The following SLC24A2 variants were observed in gnomAD, a reference collection of about 807,000 sequenced individuals.
SLC24A2 encodes the protein sodium/potassium/calcium exchanger 2.
SLC24A2 carries 36 observed loss-of-function variants against 62.0 expected under a neutral mutation model. That is an observed-to-expected ratio of 0.58 (90% CI 0.44 to 0.77). SLC24A2 has a LOEUF of 0.77. SLC24A2 is among the 30% of genes least tolerant of loss of function. The pLI is 0.00. For synonymous variants in SLC24A2, 358 were observed against 294.0 expected (o/e 1.22, Z -2.23); for missense variants, 846 against 817.9 (o/e 1.03, Z -0.42).
the SLC24A2 span, among the ~76,000 whole-genome samples, chr9:19,888,125 A>C: frequency 2.0e-5 from 3 of 152,190 alleles, no homozygotes; most frequent in African/African-American, 7.2e-5. Flanking sequence ...AACCTATGGA[A>C]ATAATTGGTT....
the SLC24A2 span, among the ~76,000 whole-genome samples, chr9:20,100,178 T>TTG: frequency 0.12 from 18,480 of 151,426 alleles, 1,892 homozygotes; most frequent in East Asian, 0.58. Flanking sequence ...GGCTAACTTT[T>TTG]TGTGTGTGTG....
At chr9:20,259,140 G>T in the SLC24A2 span, among the ~76,000 whole-genome samples, 2 of 152,118 alleles carry the variant, frequency 1.3e-5, no homozygotes, top group Non-Finnish European at 2.9e-5. Context: ...TTGTTTCCAA[G>T]AATTGGAAAA....
the SLC24A2 span, among the ~76,000 whole-genome samples, chr9:19,932,018 C>T: frequency 6.6e-6 from 1 of 152,154 alleles, no homozygotes; most frequent in East Asian, 1.9e-4. Flanking sequence ...CATTATGCAT[C>T]AGCCATCATG....
Position 19,619,681 on chromosome 9 carries a change from A to G in SLC24A2, c.981T>C (p.Arg327=). ...KDEPTLPAKP[R]LQRGGSSASL... ...AGGCAGAGCTTCCACCTCGCTGGAG[A>G]CGCGGCTTAGCCTGAGCAGAGAAAC... Residue 327 remains arginine, a synonymous_variant, in exon 4 of 11, where the codon CGT becomes CGC. Transcript: ENST00000341998. The G allele has an allele frequency of 6.2e-7, 1 of 1,613,712 alleles. No homozygotes were observed. The highest frequency in any genetic ancestry group is 8.5e-7 in the Non-Finnish European group (1 of 1,179,728).
chr9:20,068,518 C>G, the SLC24A2 span, among the ~76,000 whole-genome samples: 1 of 152,004 alleles, frequency 6.6e-6, no homozygotes, highest in Non-Finnish European at 1.5e-5. Flanking sequence ...CACTGAAAAC[C>G]CCGCCTTAAA....
At chr9:20,032,759 G>T in the SLC24A2 span, among the ~76,000 whole-genome samples, 2 of 152,162 alleles carry the variant, frequency 1.3e-5, no homozygotes, top group African/African-American at 4.8e-5. Flanking sequence ...TGAGGTGGTG[G>T]CGGGAGCTGG....
chr9:19,981,952 AC>A, the SLC24A2 span, among the ~76,000 whole-genome samples: 17 of 152,310 alleles, frequency 1.1e-4, no homozygotes, highest in East Asian at 3.1e-3. Flanking sequence ...GTCAAGCCCA[AC>A]ATCAGTGGAG....
the SLC24A2 span, among the ~76,000 whole-genome samples, chr9:19,905,439 G>A: frequency 1.5e-5 from 2 of 134,966 alleles, no homozygotes; most frequent in Admixed American, 1.6e-4. Flanking sequence ...ACAGAGTTTT[G>A]CTCTTGTTGC....
At chr9:19,995,483 T>C in the SLC24A2 span, among the ~76,000 whole-genome samples, 1 of 152,122 alleles carries the variant, frequency 6.6e-6, no homozygotes, top group Admixed American at 6.5e-5. Flanking sequence ...GATGGGGCCA[T>C]GTGAGAATAC....
rs76610001 is a variant in SLC24A2, at chr9:19,663,518, G to A, written c.931-41219C>T. ...AGTGACAGAAGATGCCTCCTGACTT[G>A]TCAACAGAATAGGCTCCTGGGGACC... On this transcript the variant is annotated intron_variant, in intron 2 of 10. Coordinates refer to ENST00000341998, the MANE Select transcript of SLC24A2 (RefSeq NM_020344.4). Among the ~76,000 whole-genome samples the A allele has an allele frequency of 5.5e-3, 834 of 152,232 alleles. 11 individuals carry two copies. The highest frequency in any genetic ancestry group is 0.018 in the African/African-American group (764 of 41,552).
chr9:19,560,910 TATATATAGAG>T (rs60873523), intron 7 of SLC24A2, among the ~76,000 whole-genome samples: 234 of 56,126 alleles, frequency 4.2e-3, no homozygotes, highest in African/African-American at 0.016. Context: ...TATATATATA[TATATATAGAG>T]AGAGAGAGAG....
chr9:20,130,427 G>A, the SLC24A2 span, among the ~76,000 whole-genome samples: 1 of 152,006 alleles, frequency 6.6e-6, no homozygotes, highest in African/African-American at 2.4e-5. Flanking sequence ...GAGGTGACAT[G>A]TGAGCTGAAA....
the SLC24A2 span, among the ~76,000 whole-genome samples, chr9:20,155,666 C>A: frequency 2.0e-5 from 3 of 151,600 alleles, no homozygotes; most frequent in South Asian, 6.2e-4. Flanking sequence ...GAAAATTAAG[C>A]AAAATAGGAG....
the SLC24A2 span, among the ~76,000 whole-genome samples, chr9:20,113,114 T>C: frequency 6.6e-6 from 1 of 152,156 alleles, no homozygotes; most frequent in Non-Finnish European, 1.5e-5. Flanking sequence ...CAATGCAGTA[T>C]CTCCATGTCT....
the SLC24A2 span, among the ~76,000 whole-genome samples, chr9:20,294,016 A>AC: frequency 6.6e-6 from 1 of 151,916 alleles, no homozygotes; most frequent in South Asian, 2.1e-4. Flanking sequence ...CCTGACAAGG[A>AC]CCCCCACTGC....
At chr9:20,028,573 T>C in the SLC24A2 span, among the ~76,000 whole-genome samples, 5,017 of 152,256 alleles carry the variant, frequency 0.033, 276 homozygotes, top group African/African-American at 0.11. Context: ...AGGACCCAAA[T>C]GGCTCCCCAC....
intron 2 of SLC24A2, among the ~76,000 whole-genome samples, chr9:19,628,445 C>T (rs1818089727): frequency 6.6e-6 from 1 of 152,272 alleles, no homozygotes; most frequent in South Asian, 2.1e-4. Flanking sequence ...TACTAAGCAC[C>T]AGTGTTAATT....
At chr9:20,206,711 C>T in the SLC24A2 span, among the ~76,000 whole-genome samples, 2 of 152,004 alleles carry the variant, frequency 1.3e-5, no homozygotes, top group African/African-American at 4.8e-5. Context: ...CGAACTCCTG[C>T]CTCATGATCT....
chr9:19,807,833 A>C, the SLC24A2 span, among the ~76,000 whole-genome samples: 1 of 152,188 alleles, frequency 6.6e-6, no homozygotes, highest in African/African-American at 2.4e-5. Context: ...TCATTTGTTC[A>C]GGGTCAGAGC....
Sources: gnomAD v4.1 joint callset for allele counts (sites outside exome capture counted in the v4.1 genomes callset) on GRCh38, gnomAD v4.1.1 for gene constraint, MANE v1.5 for transcripts, NCBI Gene and HGNC (gene_info 2026-07-23, HGNC 2026-07-21) for gene names.